CFAP54: variants seen among roughly 807,000 people sequenced by gnomAD.
CFAP54 encodes the protein cilia and flagella associated protein 54.
CFAP54 carries 290 observed loss-of-function variants against 370.4 expected under a neutral mutation model. That is an observed-to-expected ratio of 0.78 (90% CI 0.71 to 0.86). The LOEUF (loss-of-function observed/expected upper bound fraction) is 0.86. CFAP54 is among the 40% of genes least tolerant of loss of function. CFAP54 has a pLI of 0.00. For missense variants in CFAP54, 3,399 were observed against 3,528.7 expected, an observed-to-expected ratio of 0.96 and a Z score of 0.93; for synonymous variants, 1,206 against 1,236.5, an observed-to-expected ratio of 0.98 and a Z score of 0.52.
At chr12:96,557,282 A>G (rs115465054) in intron 17 of CFAP54, among the ~76,000 whole-genome samples, 3,864 of 152,310 alleles carry the variant, frequency 0.025, 114 homozygotes, top group African/African-American at 0.069. Flanking sequence ...ACAATGTACA[A>G]AAATTCCAAA....
At chr12:96,829,975 A>G (rs1404398042) in intron 66 of CFAP54, among the ~76,000 whole-genome samples, 2 of 151,956 alleles carry the variant, frequency 1.3e-5, no homozygotes, top group Non-Finnish European at 2.9e-5. Context: ...ATCATCCAAT[A>G]TTTGTCTTTT....
intron 67 of CFAP54, among the ~76,000 whole-genome samples, chr12:96,873,196 G>A (rs1346950437): frequency 6.6e-6 from 1 of 152,166 alleles, no homozygotes; most frequent in African/African-American, 2.4e-5. Context: ...TAAGTTTTGG[G>A]GAATTTGTAG....
intron 33 of CFAP54, chr12:96,645,693 C>T (rs1956780357): frequency 6.5e-6 from 1 of 153,008 alleles, no homozygotes; most frequent in Middle Eastern, 3.2e-3. Context: ...TACCTGACTT[C>T]AAACTATACT....
At chr12:96,558,325 G>A (rs1286390357) in intron 17 of CFAP54, among the ~76,000 whole-genome samples, 3 of 151,970 alleles carry the variant, frequency 2.0e-5, no homozygotes, top group Admixed American at 6.6e-5. Context: ...GAAAGAAAGG[G>A]CATCCACATT....
At chr12:96,495,271 TC>T (rs1324664531) in intron 1 of CFAP54, among the ~76,000 whole-genome samples, 7 of 147,240 alleles carry the variant, frequency 4.8e-5, no homozygotes, top group African/African-American at 1.0e-4. Context: ...CTTCCTTCCT[TC>T]CTTCCTTCCT....
chr12:96,674,336 C>CTTTTTT (rs5800259), intron 39 of CFAP54, among the ~76,000 whole-genome samples: 1 of 125,014 alleles, frequency 8.0e-6, no homozygotes, highest in Non-Finnish European at 1.6e-5. Flanking sequence ...CAATGTTTTT[C>CTTTTTT]TTTTTTTTTT....
At chr12:96,543,968 G>T (rs1055569408) in intron 14 of CFAP54, among the ~76,000 whole-genome samples, 7 of 151,910 alleles carry the variant, frequency 4.6e-5, no homozygotes, top group Non-Finnish European at 8.8e-5. Context: ...TCTATACTCT[G>T]GCCTCCCTTT....
intron 56 of CFAP54, among the ~76,000 whole-genome samples, chr12:96,754,270 T>C (rs1282902835): frequency 6.6e-6 from 1 of 152,192 alleles, no homozygotes; most frequent in African/African-American, 2.4e-5. Flanking sequence ...AACATTTTGG[T>C]TAATTTTTAT....
intron 1 of CFAP54, among the ~76,000 whole-genome samples, chr12:96,499,182 T>C (rs933021855): frequency 6.6e-6 from 1 of 152,082 alleles, no homozygotes; most frequent in African/African-American, 2.4e-5. Context: ...TTCACCATGT[T>C]GGACAGGCTG....
At chr12:96,517,281 T>A (rs1955246557) in intron 5 of CFAP54, among the ~76,000 whole-genome samples, 1 of 152,162 alleles carries the variant, frequency 6.6e-6, no homozygotes, top group African/African-American at 2.4e-5. Flanking sequence ...CCAGCTCTTT[T>A]GATTAGAGTG....
At chr12:96,642,626 G>T (rs1227882710) in intron 32 of CFAP54, among the ~76,000 whole-genome samples, 1 of 152,112 alleles carries the variant, frequency 6.6e-6, no homozygotes, top group East Asian at 1.9e-4. Context: ...GAGAATCCTG[G>T]TTCTGCTAAT....
chr12:96,632,734 A>G (rs1319548416), intron 32 of CFAP54, among the ~76,000 whole-genome samples: 1 of 152,064 alleles, frequency 6.6e-6, no homozygotes, highest in Non-Finnish European at 1.5e-5. Flanking sequence ...CTTCCACAAA[A>G]TGGAATGGTT....
intron 36 of CFAP54, among the ~76,000 whole-genome samples, chr12:96,654,317 C>A (rs1185005334): frequency 6.6e-6 from 1 of 152,044 alleles, no homozygotes; most frequent in African/African-American, 2.4e-5. Context: ...CTGGCTAACT[C>A]GGTGAAACCC....
intron 39 of CFAP54, among the ~76,000 whole-genome samples, 198 bp from the exon 40 acceptor site, chr12:96,679,402 T>C (rs1957245666): frequency 6.6e-6 from 1 of 152,020 alleles, no homozygotes; most frequent in African/African-American, 2.4e-5. Flanking sequence ...TTTTTTTTTT[T>C]TTAAAAGGAC....
At chr12:96,550,796 G>A (rs533552427) in intron 15 of CFAP54, among the ~76,000 whole-genome samples, 26 of 152,290 alleles carry the variant, frequency 1.7e-4, no homozygotes, top group Admixed American at 3.3e-4. Context: ...GTAAGTTTAT[G>A]AGTAGATGCT....
At chr12:96,620,594 C>T (rs938794963) in intron 26 of CFAP54, among the ~76,000 whole-genome samples, 2 of 152,224 alleles carry the variant, frequency 1.3e-5, no homozygotes, top group African/African-American at 4.8e-5. Context: ...AACTAATACA[C>T]TTGTCTTAAA....
At chr12:96,861,682 T>G (rs1449515953) in intron 67 of CFAP54, among the ~76,000 whole-genome samples, 1 of 152,234 alleles carries the variant, frequency 6.6e-6, no homozygotes, top group Non-Finnish European at 1.5e-5. Flanking sequence ...AAGCTTTTAT[T>G]TCTTCATCTG....
intron 66 of CFAP54, among the ~76,000 whole-genome samples, chr12:96,832,496 A>G (rs77910043): frequency 0.01 from 1,546 of 152,066 alleles, 29 homozygotes; most frequent in African/African-American, 0.034. Context: ...AGTTGTTGTG[A>G]AGATTAAAGT....
At chr12:96,598,466 TTGAA>T (rs1956202793) in intron 25 of CFAP54, among the ~76,000 whole-genome samples, 175 bp from the exon 26 acceptor site, 1 of 152,012 alleles carries the variant, frequency 6.6e-6, no homozygotes, top group South Asian at 2.1e-4. Flanking sequence ...AATCTCAAAA[TTGAA>T]TGTATCAACT....
Sources: gnomAD v4.1 joint callset for allele counts (sites outside exome capture counted in the v4.1 genomes callset) on GRCh38, gnomAD v4.1.1 for gene constraint, MANE v1.5 for transcripts, NCBI Gene and HGNC (gene_info 2026-07-23, HGNC 2026-07-21) for gene names.